Variants in XRCC2 observed in about 807,000 individuals in gnomAD.
XRCC2 encodes DNA repair protein XRCC2.
Under a neutral mutation model 27.3 loss-of-function variants are expected in XRCC2, and 24 were observed. The ratio of observed to expected loss-of-function variants is 0.88; its 90% CI spans 0.64 to 1.24. XRCC2 has a LOEUF of 1.24. Ranked by LOEUF, XRCC2 falls within the 50% of genes most tolerant of loss-of-function variation. The pLI, the probability that XRCC2 is intolerant of heterozygous loss-of-function variation, is 0.00. For synonymous variants in XRCC2, 106 were observed against 115.4 expected (o/e 0.92, Z 0.52); for missense variants, 321 against 325.8 (o/e 0.99, Z 0.11).
intron 2 of XRCC2, among the ~76,000 whole-genome samples, chr7:152,651,630 C>T (rs1471776070): frequency 6.6e-6 from 1 of 152,044 alleles, no homozygotes. Context: ...GATTCCACCT[C>T]AGCCTCTCAA....
In XRCC2 at chr7:152,644,920, C is replaced by A. The variant is rs1012260016; in HGVS notation, c.*3722G>T. 1 of 152,178 alleles carries A rather than the reference C, an allele frequency of 6.6e-6. No homozygotes were observed. The highest frequency in any genetic ancestry group is 2.4e-5 in the African/African-American group (1 of 41,444). The allele number at this position is 152,178 out of a possible 1,614,324, so 9.4% of individuals were successfully genotyped here. A position where few individuals can be genotyped will look rare whatever the true frequency, so the allele number is the denominator to read the frequency against. On this transcript the variant is annotated 3_prime_UTR_variant, in exon 3 of 3. Coordinates refer to ENST00000359321, the MANE Select transcript of XRCC2 (RefSeq NM_005431.2). ...CTCAACAGTTAGCCGAAGATTCATT[C>A]GATGAGTCCGATTTTTCTGAAAGAG...
intron 1 of XRCC2, among the ~76,000 whole-genome samples, chr7:152,674,399 G>A (rs1016102697): frequency 6.6e-6 from 1 of 152,012 alleles, no homozygotes; most frequent in Non-Finnish European, 1.5e-5. Flanking sequence ...ATCACCTGAG[G>A]TCAGGAGTTC....
rs1470739423 is a variant in XRCC2, at chr7:152,646,112, T to C, written c.*2530A>G. The C allele has an allele frequency of 1.3e-5, 2 of 152,218 alleles. No individual in the cohort carries two copies. Among genetic ancestry groups the C allele is most frequent in the African/African-American group, 4.8e-5 (2 of 41,448 alleles). 9.4% of individuals were successfully genotyped at this position (152,218 alleles called of 1,614,324 possible). ...ATCAGCCCACCATTTTCCTGTTTCA[T>C]TTTAAAGTTATGCCCCTTTTCTATC... On this transcript the variant is annotated 3_prime_UTR_variant, in exon 3 of 3. Transcript: ENST00000359321.
Position 152,647,339 on chromosome 7 carries a change from A to G in XRCC2, c.*1303T>C, listed in dbSNP as rs1037388156. The G allele has an allele frequency of 2.7e-5, 4 of 149,722 alleles. No homozygotes were observed. The highest frequency in any genetic ancestry group is 1.0e-4 in the African/African-American group (4 of 39,208). The allele number at this position is 149,722 out of a possible 1,614,324, so 9.3% of individuals were successfully genotyped here. Reference sequence around the variant, plus strand: ...GCATAGTTTGCAACAATTTTCTCCCATTCTGTAAGCTGTCTGTTTACTCTC... The same window carrying G: ...GCATAGTTTGCAACAATTTTCTCCCGTTCTGTAAGCTGTCTGTTTACTCTC... On this transcript the variant is annotated 3_prime_UTR_variant, in exon 3 of 3. Coordinates refer to ENST00000359321, the MANE Select transcript of XRCC2 (RefSeq NM_005431.2).
intron 1 of XRCC2, among the ~76,000 whole-genome samples, chr7:152,661,167 GGAA>G (rs1331844666): frequency 6.6e-6 from 1 of 152,044 alleles, no homozygotes; most frequent in African/African-American, 2.4e-5. Context: ...TTGTGGATTT[GGAA>G]GAAAATATGA....
intron 2 of XRCC2, among the ~76,000 whole-genome samples, chr7:152,658,624 T>C (rs1436918453): frequency 6.6e-6 from 1 of 152,242 alleles, no homozygotes; most frequent in Admixed American, 6.5e-5. Flanking sequence ...ACTACCATTT[T>C]ACTTTCTTTT....
chr7:152,661,727 G>C (rs1009461067), intron 1 of XRCC2, among the ~76,000 whole-genome samples: 3 of 152,246 alleles, frequency 2.0e-5, no homozygotes, highest in Non-Finnish European at 4.4e-5. Flanking sequence ...GAAGGGCTCA[G>C]ACGCCATGTT....
chr7:152,667,267 C>T (rs1230858569), intron 1 of XRCC2, among the ~76,000 whole-genome samples: 2 of 151,734 alleles, frequency 1.3e-5, no homozygotes, highest in African/African-American at 4.8e-5. Context: ...ATTAGCCAGG[C>T]GTGGTGGCAC....
At chr7:152,668,213 T>C (rs1361330761) in intron 1 of XRCC2, among the ~76,000 whole-genome samples, 2 of 152,090 alleles carry the variant, frequency 1.3e-5, no homozygotes, top group Non-Finnish European at 2.9e-5. Flanking sequence ...CATAATAAAA[T>C]ATCGTACCAT....
chr7:152,661,989 G>C (rs1050806369), intron 1 of XRCC2, among the ~76,000 whole-genome samples: 1 of 152,108 alleles, frequency 6.6e-6, no homozygotes, highest in Non-Finnish European at 1.5e-5. Context: ...TTTTGAGGCG[G>C]AGTCTTGCCC....
intron 2 of XRCC2, among the ~76,000 whole-genome samples, chr7:152,658,960 A>G (rs993903512): frequency 6.6e-6 from 1 of 152,324 alleles, no homozygotes; most frequent in South Asian, 2.1e-4. Context: ...CCAAGATCCT[A>G]CTTTCAATTC....
intron 2 of XRCC2, among the ~76,000 whole-genome samples, chr7:152,650,008 C>G (rs1467655884): frequency 6.6e-6 from 1 of 152,202 alleles, no homozygotes. Context: ...GGAGCCCCCA[C>G]CAGCCACGCA....
chr7:152,672,486 T>G (rs1005492313), intron 1 of XRCC2, among the ~76,000 whole-genome samples: 1 of 152,194 alleles, frequency 6.6e-6, no homozygotes, highest in African/African-American at 2.4e-5. Flanking sequence ...ATATGAGCTG[T>G]AAGGGAACTG....
chr7:152,654,210 A>T (rs2098029802), intron 2 of XRCC2, among the ~76,000 whole-genome samples: 1 of 151,532 alleles, frequency 6.6e-6, no homozygotes, highest in Admixed American at 6.6e-5. Flanking sequence ...AAAAAAAAAA[A>T]AAAAAAGATT....
At chr7:152,666,911 C>A (rs1338008720) in intron 1 of XRCC2, among the ~76,000 whole-genome samples, 1 of 151,986 alleles carries the variant, frequency 6.6e-6, no homozygotes, top group Non-Finnish European at 1.5e-5. Context: ...AGCCACTGCG[C>A]CCAGCAAGAC....
At chr7:152,662,825 G>A (rs564649721) in intron 1 of XRCC2, among the ~76,000 whole-genome samples, 15 of 151,734 alleles carry the variant, frequency 9.9e-5, no homozygotes, top group Admixed American at 9.2e-4. Context: ...CGCCCGCCTC[G>A]GCCTCCCAAA....
At chr7:152,654,230 AGG>A in intron 2 of XRCC2, among the ~76,000 whole-genome samples, 1 of 147,356 alleles carries the variant, frequency 6.8e-6, no homozygotes, top group South Asian at 2.2e-4. Context: ...TCAAGATGGT[AGG>A]TAATAAGGGG....
At chr7:152,656,623 T>C (rs1438171796) in intron 2 of XRCC2, among the ~76,000 whole-genome samples, 1 of 152,230 alleles carries the variant, frequency 6.6e-6, no homozygotes, top group East Asian at 1.9e-4. Flanking sequence ...TTACTGAACA[T>C]GATGGTGTTT....
chr7:152,662,795 G>A (rs1011665576), intron 1 of XRCC2, among the ~76,000 whole-genome samples: 33 of 150,906 alleles, frequency 2.2e-4, no homozygotes, highest in African/African-American at 7.3e-4. Flanking sequence ...GGATGGTCTC[G>A]ATCTCCTGAC....
Sources: allele counts gnomAD v4.1 joint callset (sites outside exome capture counted in the v4.1 genomes callset), GRCh38; gene constraint gnomAD v4.1.1; transcripts MANE v1.5; gene names NCBI Gene and HGNC (gene_info 2026-07-23, HGNC 2026-07-21).